RPS6KA3: variants seen among roughly 807,000 people sequenced by gnomAD.
The protein encoded by RPS6KA3 is ribosomal protein S6 kinase A3, also known as ribosomal protein S6 kinase alpha-3.
A neutral mutation model predicts 67.2 loss-of-function variants in RPS6KA3; 4 were observed. That is an observed-to-expected ratio of 0.06 (90% CI 0.03 to 0.14). RPS6KA3 has a LOEUF of 0.14. RPS6KA3 is among the 10% of genes least tolerant of loss of function. The probability of loss-of-function intolerance (pLI) is 1.00; values close to 1 mark genes in which losing one functional copy is unlikely to be tolerated. For synonymous variants in RPS6KA3, 182 were observed against 183.7 expected (o/e 0.99, Z 0.07); for missense variants, 204 against 559.0 (o/e 0.36, Z 6.40).
chrX:20,186,600 AT>A (rs1251940583), intron 9 of RPS6KA3, among the ~76,000 whole-genome samples: 4 of 93,588 alleles, frequency 4.3e-5, no homozygotes, highest in Non-Finnish European at 4.4e-5. Context: ...TTTTTATTTT[AT>A]TTTTTTTTTG....
chrX:20,182,050 C>A (rs2067854991), intron 10 of RPS6KA3, among the ~76,000 whole-genome samples: 1 of 111,441 alleles, frequency 9.0e-6, no homozygotes, highest in Non-Finnish European at 1.9e-5. Flanking sequence ...TCTTTTTAGA[C>A]CTTTTATATT....
At chrX:20,208,273 G>A (rs1490743585) in intron 3 of RPS6KA3, among the ~76,000 whole-genome samples, 5 of 110,478 alleles carry the variant, frequency 4.5e-5, no homozygotes, top group Admixed American at 3.9e-4. Flanking sequence ...ATGCTCACCC[G>A]GGGGTTGGGG....
intron 1 of RPS6KA3, among the ~76,000 whole-genome samples, chrX:20,244,166 T>C (rs757359328): frequency 8.0e-5 from 9 of 111,980 alleles, no homozygotes; most frequent in Non-Finnish European, 1.3e-4. Context: ...TTTCAACTTA[T>C]AAGTTTCTAT....
At position 20,163,023 on chromosome X, in the gene RPS6KA3, G is replaced by C; in HGVS notation, c.1782C>G (p.Gly594=). Residue 594 remains glycine (G), a synonymous_variant, in exon 19 of 22, where the codon GGC becomes GGG. Coordinates refer to ENST00000379565, the MANE Select transcript of RPS6KA3 (RefSeq NM_004586.3). ...TCCATATATCACAAGCAGCATCATA[G>C]CCTTGTCTTTTTAAAACCTAGAAAA... The part of the protein sequence containing the change: ...FVAPEVLKRQ[G]YDAACDIWSL... 1 of 1,194,396 alleles carries C rather than the reference G, an allele frequency of 8.4e-7. No homozygotes were observed. Among genetic ancestry groups the C allele is most frequent in the Non-Finnish European group, 1.1e-6 (1 of 880,058 alleles).
chrX:20,161,269 G>A (rs981874061), intron 20 of RPS6KA3, among the ~76,000 whole-genome samples: 1 of 111,515 alleles, frequency 9.0e-6, no homozygotes, highest in African/African-American at 3.3e-5. Flanking sequence ...CTAACATTCC[G>A]GGCTCTGGTT....
rs1452757463 is a variant in RPS6KA3 at position 20,251,989 on chromosome X, C to A, written c.69+14575G>T. 1.4e-4 allele frequency among the ~76,000 whole-genome samples: 16 copies of A among 111,999 alleles called. 1 individual carries two copies. In the East Asian group the frequency reaches 4.5e-3, roughly 31 times the overall value. On this transcript the variant is annotated intron_variant, in intron 1 of 21. Transcript: ENST00000379565. The stretch of plus-strand genomic sequence containing the variant: ...AAATCTTTTGTTAATGTTCACCAGG[C>A]TCTTGAGGCTCTGTTCATTTTCCAG...
In RPS6KA3 at chrX:20,152,857, G is replaced by A. The variant is rs2067125800; in HGVS notation, c.*2541C>T. On this transcript the variant is annotated 3_prime_UTR_variant, in exon 22 of 22. Coordinates refer to ENST00000379565, the MANE Select transcript of RPS6KA3 (RefSeq NM_004586.3). ...AAATAAAAGTTGGCATCACATACCA[G>A]TAGAGGACTGCCCAAGAAATATGTA... The A allele has an allele frequency of 8.9e-6, 1 of 111,926 alleles. No individual in the cohort carries two copies. Among genetic ancestry groups the A allele is most frequent in the African/African-American group, 3.2e-5 (1 of 30,787 alleles). 9.2% of individuals were successfully genotyped at this position (111,926 alleles called of 1,213,427 possible).
In RPS6KA3 at chrX:20,255,033, G is replaced by A. The variant is rs147532287; in HGVS notation, c.69+11531C>T. On this transcript the variant is annotated intron_variant, in intron 1 of 21. Transcript: ENST00000379565. ...ATGTGTTCACATAAAAACTTAATAC[G>A]AATGTTCACAGCAGCATTATTCATA... Among the ~76,000 whole-genome samples the A allele has an allele frequency of 2.2e-3, 248 of 112,278 alleles. 1 individual carries two copies. Among genetic ancestry groups the A allele is most frequent in the Middle Eastern group, 9.2e-3 (2 of 217 alleles).
At chrX:20,188,684 C>A in intron 7 of RPS6KA3, 150 bp from the exon 8 acceptor site, 1 of 408,959 alleles carries the variant, frequency 2.4e-6, no homozygotes. Flanking sequence ...AAAGGAGGAA[C>A]AAATTATTTT....
At chrX:20,178,382 G>A (rs1472726030) in intron 10 of RPS6KA3, among the ~76,000 whole-genome samples, 1 of 110,378 alleles carries the variant, frequency 9.1e-6, no homozygotes, top group African/African-American at 3.3e-5. Context: ...ATGACCCAAT[G>A]AGCTTGTAGA....
At chrX:20,204,943 C>T (rs1438268893) in intron 3 of RPS6KA3, among the ~76,000 whole-genome samples, 2 of 111,373 alleles carry the variant, frequency 1.8e-5, no homozygotes, top group Admixed American at 9.6e-5. Flanking sequence ...AACAAACAAA[C>T]AAACAAACAA....
chrX:20,254,547 T>C (rs2069981354), intron 1 of RPS6KA3, among the ~76,000 whole-genome samples: 1 of 112,194 alleles, frequency 8.9e-6, no homozygotes, highest in Non-Finnish European at 1.9e-5. Context: ...GGAAAAGCCT[T>C]GTATTTATCA....
chrX:20,182,653 C>T (rs181825319), intron 10 of RPS6KA3, among the ~76,000 whole-genome samples: 18 of 111,756 alleles, frequency 1.6e-4, no homozygotes, highest in Admixed American at 9.5e-4. Flanking sequence ...TTGCTATGAA[C>T]GGCTTTGTAC....
At chrX:20,250,639 T>C (rs889004302) in intron 1 of RPS6KA3, among the ~76,000 whole-genome samples, 1 of 112,526 alleles carries the variant, frequency 8.9e-6, no homozygotes, top group Non-Finnish European at 1.9e-5. Flanking sequence ...ATTAGTATCA[T>C]GTGACTTGTC....
At chrX:20,226,569 C>A (rs988132134) in intron 2 of RPS6KA3, among the ~76,000 whole-genome samples, 2 of 112,200 alleles carry the variant, frequency 1.8e-5, no homozygotes, top group African/African-American at 6.5e-5. Context: ...AATCCTGTAC[C>A]TATTTTTTAA....
intron 4 of RPS6KA3, among the ~76,000 whole-genome samples, chrX:20,200,617 TAA>T (rs1222608755): frequency 3.6e-5 from 4 of 112,136 alleles, no homozygotes; most frequent in African/African-American, 1.3e-4. Flanking sequence ...TAATTTTATT[TAA>T]GATACTTTAT....
intron 1 of RPS6KA3, among the ~76,000 whole-genome samples, chrX:20,239,429 C>T (rs1233960086): frequency 8.1e-5 from 9 of 111,485 alleles, no homozygotes; most frequent in African/African-American, 2.9e-4. Flanking sequence ...TATGTATGTG[C>T]TATATTTTTA....
chrX:20,217,476 A>G (rs1280905083), intron 2 of RPS6KA3, among the ~76,000 whole-genome samples: 2 of 112,558 alleles, frequency 1.8e-5, no homozygotes, highest in African/African-American at 6.4e-5. Flanking sequence ...TGTATACATA[A>G]TTTCCTTTTT....
intron 19 of RPS6KA3, among the ~76,000 whole-genome samples, chrX:20,162,416 G>C (rs2067327076): frequency 9.2e-6 from 1 of 108,573 alleles, no homozygotes; most frequent in South Asian, 3.9e-4. Context: ...AGGACCTCGA[G>C]ACATTAATAA....
Sources: gnomAD v4.1 joint callset for allele counts (sites outside exome capture counted in the v4.1 genomes callset) on GRCh38, gnomAD v4.1.1 for gene constraint, MANE v1.5 for transcripts, NCBI Gene and HGNC (gene_info 2026-07-23, HGNC 2026-07-21) for gene names.